Variants in UGT1A7 observed in about 807,000 individuals in gnomAD.
UGT1A7 encodes UDP-glucuronosyltransferase 1A7.
A neutral mutation model predicts 45.6 loss-of-function variants in UGT1A7; 33 were observed. That is an observed-to-expected ratio of 0.72 (90% CI 0.55 to 0.97). UGT1A7 has a LOEUF of 0.97. UGT1A7 is among the 50% of genes least tolerant of loss of function. UGT1A7 has a pLI of 0.00. For missense variants in UGT1A7, 684 were observed against 666.2 expected (o/e 1.03, Z -0.29); for synonymous variants, 274 against 250.6 (o/e 1.09, Z -0.88).
At chr2:233,770,172 C>T (rs1423898703) in intron 4 of UGT1A7, 4 of 152,218 alleles carry the variant, frequency 2.6e-5, no homozygotes, top group African/African-American at 9.7e-5. Flanking sequence ...TCAATGAGCT[C>T]AACTTATTAA....
At chr2:233,766,708 C>G (rs538087868) in intron 1 of UGT1A7, among the ~76,000 whole-genome samples, 1 of 152,196 alleles carries the variant, frequency 6.6e-6, no homozygotes, top group East Asian at 1.9e-4. Context: ...GCTCTGTGTT[C>G]TCTAAGTGGA....
At chr2:233,688,283 T>A (rs2074886273) in intron 1 of UGT1A7, among the ~76,000 whole-genome samples, 1 of 152,264 alleles carries the variant, frequency 6.6e-6, no homozygotes, top group Non-Finnish European at 1.5e-5. Context: ...TTGTATGGAT[T>A]TACCGCATTT....
At chr2:233,698,596 C>T (rs957890860) in intron 1 of UGT1A7, among the ~76,000 whole-genome samples, 9 of 152,076 alleles carry the variant, frequency 5.9e-5, no homozygotes, top group Admixed American at 2.6e-4. Context: ...CCAAGAAATT[C>T]GGATTAATAA....
At chr2:233,731,308 T>G (rs962546362) in intron 1 of UGT1A7, among the ~76,000 whole-genome samples, 3 of 151,716 alleles carry the variant, frequency 2.0e-5, no homozygotes, top group African/African-American at 7.3e-5. Context: ...TATTATACTT[T>G]AAGTTCTAGG....
intron 4 of UGT1A7, 126 bp from the exon 5 acceptor site, chr2:233,772,136 A>G (rs1700469037): frequency 6.5e-7 from 1 of 1,547,408 alleles, no homozygotes; most frequent in Non-Finnish European, 8.7e-7. Flanking sequence ...AACAACAATA[A>G]TAGAAACAGG....
chr2:233,742,039 T>C (rs553186051), intron 1 of UGT1A7: 6 of 152,044 alleles, frequency 3.9e-5, no homozygotes, highest in African/African-American at 1.5e-4. Context: ...GTCCCAAGCA[T>C]AGCAATAGGA....
At chr2:233,754,017 T>C (rs1254861079) in intron 1 of UGT1A7, among the ~76,000 whole-genome samples, 1 of 152,250 alleles carries the variant, frequency 6.6e-6, no homozygotes, top group African/African-American at 2.4e-5. Flanking sequence ...ACAGCCATGA[T>C]AGGAAACGAA....
At position 233,734,054 on chromosome 2, in the gene UGT1A7, T is replaced by C. The variant is rs2078472293; in HGVS notation, c.856-32980T>C. Among the ~76,000 whole-genome samples the C allele has an allele frequency of 9.9e-5, 15 of 152,222 alleles. No homozygotes were observed. The South Asian group carries it at 3.1e-3, about 32-fold the overall frequency. The stretch of plus-strand genomic sequence containing the variant: ...CACACCAACATGGCACATGTATACA[T>C]ATGTAACAAACCTGCACATTGTGCA... On this transcript the variant is annotated intron_variant, in intron 1 of 4. Transcript: ENST00000373426.
chr2:233,713,186 G>A (rs760031954), intron 1 of UGT1A7: 1 of 1,614,224 alleles, frequency 6.2e-7, no homozygotes, highest in South Asian at 1.1e-5. Context: ...CCCTGGAGGT[G>A]AATATGTACA....
intron 1 of UGT1A7, chr2:233,690,887 G>A (rs1559344611): frequency 1.9e-6 from 2 of 1,063,582 alleles, no homozygotes; most frequent in Non-Finnish European, 1.1e-6. Flanking sequence ...AGGAATTCAA[G>A]GGATGGTATG....
At chr2:233,689,706 T>G (rs1017281104) in intron 1 of UGT1A7, among the ~76,000 whole-genome samples, 1 of 152,204 alleles carries the variant, frequency 6.6e-6, no homozygotes, top group Non-Finnish European at 1.5e-5. Flanking sequence ...TATTTCCCCT[T>G]ATCTGAGGTC....
At chr2:233,709,864 C>A (rs1389080873) in intron 1 of UGT1A7, among the ~76,000 whole-genome samples, 2 of 152,210 alleles carry the variant, frequency 1.3e-5, no homozygotes, top group Non-Finnish European at 2.9e-5. Context: ...ACGGAGCACT[C>A]CATTACCCAG....
intron 1 of UGT1A7, among the ~76,000 whole-genome samples, chr2:233,688,311 G>A (rs552862913): frequency 3.3e-5 from 5 of 152,302 alleles, no homozygotes; most frequent in African/African-American, 1.2e-4. Context: ...CCATTCATCA[G>A]TTGGTGGACA....
Position 233,769,399 on chromosome 2 carries a change from ATGTGCGTGTGCGTT to A in UGT1A7, c.1295+966_1295+979del. On this transcript the variant is annotated intron_variant, in intron 4 of 4. Coordinates refer to ENST00000373426, the MANE Select transcript of UGT1A7 (RefSeq NM_019077.3). This position sits in a 1 kb window ranked among gnomAD's most constrained non-coding sequence, Gnocchi z 4.4. ...ATCCGACAATAGATACTGTGTGCATATGTGCGTGTGCGTTTGTGCATGTGGCTGTGCTCATGTGT... is the reference window on the plus strand; with the variant it reads ...ATCCGACAATAGATACTGTGTGCATATGTGCATGTGGCTGTGCTCATGTGT... 1 of 1,170,288 alleles carries A rather than the reference ATGTGCGTGTGCGTT, an allele frequency of 8.5e-7. No homozygotes were observed. Among genetic ancestry groups the A allele is most frequent in the Non-Finnish European group, 1.2e-6 (1 of 810,196 alleles). 72.5% of individuals were successfully genotyped at this position (1,170,288 alleles called of 1,614,324 possible).
chr2:233,719,618 C>A (rs779960656), intron 1 of UGT1A7: 2 of 1,614,058 alleles, frequency 1.2e-6, no homozygotes. Flanking sequence ...TGGACTACCC[C>A]AGGCCGATCA....
At chr2:233,688,575 A>C (rs2074901889) in intron 1 of UGT1A7, among the ~76,000 whole-genome samples, 2 of 152,162 alleles carry the variant, frequency 1.3e-5, no homozygotes, top group South Asian at 4.1e-4. Flanking sequence ...ACATGAGTTC[A>C]TCTTGTTTTG....
In UGT1A7 at chr2:233,768,364, G is replaced by C; in HGVS notation, c.1220G>C (p.Gly407Ala). ...AAGCGCATGGAGACTAAGGGAGCTG[G>C]AGTGACCCTGAATGTTCTGGAAATG... is the stretch of plus-strand genomic sequence containing the variant. ...NAKRMETKGAGVTLNVLEMTS... is the reference protein window; with the variant it reads ...NAKRMETKGAAVTLNVLEMTS... The change falls in exon 4 of 5, where the codon GGA (glycine) becomes GCA (alanine). Residue 407 changes from glycine (G) to alanine (A), a missense_variant. Physicochemically the swap from Gly to Ala is moderately conservative, Grantham distance 60. Transcript: ENST00000373426. 2 of 1,614,172 alleles carry C rather than the reference G, an allele frequency of 1.2e-6. No homozygotes were observed. The highest frequency in any genetic ancestry group is 1.7e-6 in the Non-Finnish European group (2 of 1,180,034).
intron 1 of UGT1A7, among the ~76,000 whole-genome samples, chr2:233,714,517 G>T (rs935645959): frequency 6.6e-6 from 1 of 152,118 alleles, no homozygotes; most frequent in Non-Finnish European, 1.5e-5. Context: ...TTCTTACTAG[G>T]TTAACTTCAT....
At chr2:233,725,145 C>G (rs1322618816) in intron 1 of UGT1A7, among the ~76,000 whole-genome samples, 10 of 128,172 alleles carry the variant, frequency 7.8e-5, no homozygotes, top group African/African-American at 3.4e-4. Context: ...CAGTACAGTC[C>G]AGCTTCGGCT....
Sources: allele counts gnomAD v4.1 joint callset (sites outside exome capture counted in the v4.1 genomes callset), GRCh38; gene constraint gnomAD v4.1.1; non-coding constraint Gnocchi (gnomAD v3.1); transcripts MANE v1.5; gene names NCBI Gene and HGNC (gene_info 2026-07-23, HGNC 2026-07-21).